The following EDC4 variants were observed in gnomAD, a reference collection of about 807,000 sequenced individuals.
The protein encoded by EDC4 is enhancer of mRNA-decapping protein 4.
In EDC4, 64 loss-of-function variants were observed where a neutral mutation model predicts 155.8. That is an observed-to-expected ratio of 0.41 (90% confidence interval 0.34 to 0.51). EDC4 has a LOEUF of 0.51. EDC4 is among the 20% of genes least tolerant of loss of function. EDC4 has a pLI of 0.19. For missense variants in EDC4, 1,303 were observed against 1,812.5 expected (o/e 0.72, Z 5.10); for synonymous variants, 684 against 716.8 (o/e 0.95, Z 0.73).
intron 1 of EDC4, among the ~76,000 whole-genome samples, chr16:67,873,638 C>T (rs1454192794): frequency 6.6e-6 from 1 of 152,182 alleles, no homozygotes; most frequent in Non-Finnish European, 1.5e-5. Flanking sequence ...CTCTAGTGTT[C>T]CTGGGACTGG....
In EDC4 at chr16:67,877,474, T is replaced by G; in HGVS notation, c.642-35T>G. 1 of 1,612,570 alleles carries G rather than the reference T, an allele frequency of 6.2e-7. No individual in the cohort carries two copies. The highest frequency in any genetic ancestry group is 8.5e-7 in the Non-Finnish European group (1 of 1,178,784). Reference sequence around the variant, plus strand: ...GGCGGAGCTGGGGTGTCACGCCTCTTCATTCATCTATCTAGCCCTTAACAC... The same window carrying G: ...GGCGGAGCTGGGGTGTCACGCCTCTGCATTCATCTATCTAGCCCTTAACAC... On this transcript the variant is annotated intron_variant, in intron 5 of 28. Transcript: ENST00000358933. The surrounding 1 kb of genome is among the most constrained non-coding windows in gnomAD (Gnocchi z 4.9).
rs1166283180 is a variant in EDC4 at position 67,879,912 on chromosome 16, C to T, written c.1884C>T (p.Ser628=). The T allele has an allele frequency of 1.9e-6, 3 of 1,613,874 alleles. No individual in the cohort carries two copies. The highest frequency in any genetic ancestry group is 1.1e-5 in the South Asian group (1 of 91,078). Residue 628 remains serine (S), a synonymous_variant, in exon 16 of 29, where the codon AGC becomes AGT. Coordinates refer to ENST00000358933, the MANE Select transcript of EDC4 (RefSeq NM_014329.5). This position sits in a 1 kb window ranked among gnomAD's most constrained non-coding sequence, Gnocchi z 6.0. ...GSSSSSSSSS[S]SLTAVSAMSS... is the part of the protein sequence containing the mutation. Reference sequence around the variant, plus strand: ...GCAGCAGCAGCAGCAGTAGCAGCAGCTCCCTTACAGCTGTGTCTGCCATGA... The same window carrying T: ...GCAGCAGCAGCAGCAGTAGCAGCAGTTCCCTTACAGCTGTGTCTGCCATGA...
chr16:67,881,490 A>G lies in EDC4; in HGVS notation c.2790-7A>G, dbSNP rs765683687. The G allele has an allele frequency of 6.2e-7, 1 of 1,614,124 alleles. No individual in the cohort carries two copies. Among genetic ancestry groups the G allele is most frequent in the Non-Finnish European group, 8.5e-7 (1 of 1,180,026 alleles). ...ACATAGCCTGAGGTGCTTCTCGCCT[A>G]TGGCAGGGATGCAGCCATGGGATCC... On this transcript the variant is annotated splice_polypyrimidine_tract_variant and splice_region_variant and intron_variant, in intron 20 of 28. Coordinates refer to ENST00000358933, the MANE Select transcript of EDC4 (RefSeq NM_014329.5). This position sits in a 1 kb window ranked among gnomAD's most constrained non-coding sequence, Gnocchi z 5.4.
chr16:67,873,374 G>A (rs1278250382), intron 1 of EDC4, 31 bp downstream of exon 1: 2 of 1,415,810 alleles, frequency 1.4e-6, no homozygotes, highest in Admixed American at 3.2e-5. Context: ...TGGGCCCCAG[G>A]CGAGCTGACA....
chr16:67,877,131 T>C lies in EDC4; in HGVS notation c.452-86T>C. On this transcript the variant is annotated intron_variant, in intron 4 of 28. Coordinates refer to ENST00000358933, the MANE Select transcript of EDC4 (RefSeq NM_014329.5). The surrounding 1 kb of genome is among the most constrained non-coding windows in gnomAD (Gnocchi z 4.9). ...AAAACCAAGCTTGAGACTCTGGTGGTGGCAGGGAGACAGGTGGGGCAGCGC... is the reference window on the plus strand; with the variant it reads ...AAAACCAAGCTTGAGACTCTGGTGGCGGCAGGGAGACAGGTGGGGCAGCGC... 1.3e-6 allele frequency: 2 copies of C among 1,537,270 alleles called. No homozygotes were observed. Among genetic ancestry groups the C allele is most frequent in the Non-Finnish European group, 1.8e-6 (2 of 1,141,130 alleles).
Position 67,879,176 on chromosome 16 carries a change from C to T in EDC4, c.1468+39C>T, listed in dbSNP as rs376269298. The T allele has an allele frequency of 5.2e-4, 832 of 1,614,044 alleles. No homozygotes were observed. The highest frequency in any genetic ancestry group is 6.6e-4 in the Non-Finnish European group (781 of 1,180,020). On this transcript the variant is annotated intron_variant, in intron 12 of 28. Transcript: ENST00000358933. The surrounding 1 kb of genome is among the most constrained non-coding windows in gnomAD (Gnocchi z 6.0). Reference sequence around the variant, plus strand: ...GGGTCAGAGCTATGTGTCCATATATCTAGGGGGTTGTGGAGGCACAGAGAG... The same window carrying T: ...GGGTCAGAGCTATGTGTCCATATATTTAGGGGGTTGTGGAGGCACAGAGAG...
chr16:67,883,483 A>T lies in EDC4; in HGVS notation c.3850-85A>T, dbSNP rs2058079761. ...GCTCTCACTAGCCCACCCTGTGGTC[A>T]TCCTCCCCCAGGCCACACAGTTCAG... On this transcript the variant is annotated intron_variant, in intron 27 of 28. Coordinates refer to ENST00000358933, the MANE Select transcript of EDC4 (RefSeq NM_014329.5). This position sits in a 1 kb window ranked among gnomAD's most constrained non-coding sequence, Gnocchi z 5.3. 1.9e-6 allele frequency: 3 copies of T among 1,560,022 alleles called. No individual in the cohort carries two copies. The highest frequency in any genetic ancestry group is 2.6e-6 in the Non-Finnish European group (3 of 1,151,750).
chr16:67,873,977 T>C (rs1255819630), intron 1 of EDC4, among the ~76,000 whole-genome samples: 1 of 152,238 alleles, frequency 6.6e-6, no homozygotes, highest in Non-Finnish European at 1.5e-5. Flanking sequence ...ACCTCAGAAC[T>C]AGTCTTGCCC....
At position 67,882,497 on chromosome 16, in the gene EDC4, G is replaced by C. The variant is rs1598178803; in HGVS notation, c.3345G>C (p.Arg1115=). The C allele has an allele frequency of 2.5e-6, 4 of 1,614,250 alleles. No homozygotes were observed. The highest frequency in any genetic ancestry group is 3.4e-6 in the Non-Finnish European group (4 of 1,180,048). ...TLQGPMQAAY[R]EAFQSVVLPA... ...AAGGGCCGATGCAGGCTGCCTACCGGGAAGCCTTCCAGAGTGTGGTGCTGC... is the reference window on the plus strand; with the variant it reads ...AAGGGCCGATGCAGGCTGCCTACCGCGAAGCCTTCCAGAGTGTGGTGCTGC... The change falls in exon 25 of 29, where the codon CGG becomes CGC. Residue 1115 remains arginine (R), a synonymous_variant. Coordinates refer to ENST00000358933, the MANE Select transcript of EDC4 (RefSeq NM_014329.5). This position sits in a 1 kb window ranked among gnomAD's most constrained non-coding sequence, Gnocchi z 7.2.
In EDC4 at chr16:67,878,039, C is replaced by T. The variant is rs2058049216; in HGVS notation, c.895-127C>T. On this transcript the variant is annotated intron_variant, in intron 7 of 28. Coordinates refer to ENST00000358933, the MANE Select transcript of EDC4 (RefSeq NM_014329.5). This position sits in a 1 kb window ranked among gnomAD's most constrained non-coding sequence, Gnocchi z 5.2. ...TGCAGGTCTGGCCTTCTCTAGGAACCCTGTTCATTTAGTCAGTCACACAAG... is the reference window on the plus strand; with the variant it reads ...TGCAGGTCTGGCCTTCTCTAGGAACTCTGTTCATTTAGTCAGTCACACAAG... 1 of 1,510,730 alleles carries T rather than the reference C, an allele frequency of 6.6e-7. No individual in the cohort carries two copies. Among genetic ancestry groups the T allele is most frequent in the African/African-American group, 1.4e-5 (1 of 72,350 alleles). The allele number at this position is 1,510,730 out of a possible 1,614,324, so 93.6% of individuals were successfully genotyped here.
chr16:67,876,573 T>C lies in EDC4; in HGVS notation c.325T>C (p.Ser109Pro), dbSNP rs749125922. Reference sequence around the variant, plus strand: ...TGTGGCTAGCAGTGACTCTAGCATTTCAAGCAAGGCCCGGGGAAGCAACAA... The same window carrying C: ...TGTGGCTAGCAGTGACTCTAGCATTCCAAGCAAGGCCCGGGGAAGCAACAA... ...EIVASSDSSI[S>P]SKARGSNKVK... The change falls in exon 3 of 29, where the codon TCA becomes CCA. Residue 109 changes from serine (S) to proline (P), a missense_variant. Physicochemically the swap from Ser to Pro is moderately conservative, Grantham distance 74. This residue lies in a region of EDC4 where 51 missense variants were observed against 121.1 expected (regional missense o/e 0.42). Coordinates refer to ENST00000358933, the MANE Select transcript of EDC4 (RefSeq NM_014329.5). This position sits in a 1 kb window ranked among gnomAD's most constrained non-coding sequence, Gnocchi z 5.8. 6.2e-7 allele frequency: 1 copy of C among 1,614,066 alleles called. No homozygotes were observed. The highest frequency in any genetic ancestry group is 8.5e-7 in the Non-Finnish European group (1 of 1,179,980).
At position 67,873,464 on chromosome 16, in the gene EDC4, G is replaced by T. The variant is rs1374505372; in HGVS notation, c.82+121G>T. On this transcript the variant is annotated intron_variant, in intron 1 of 28. Transcript: ENST00000358933. ...GCTCTGGATCCTCCCGGCGGGTAAG[G>T]GTGGACGGGGATTGACTGTGCCCCT... The T allele has an allele frequency of 5.0e-6, 4 of 799,886 alleles. No individual in the cohort carries two copies. In the East Asian group the frequency reaches 1.0e-4, roughly 20 times the overall value. 49.5% of individuals were successfully genotyped at this position (799,886 alleles called of 1,614,324 possible). A position where few individuals can be genotyped will look rare whatever the true frequency, so the allele number is the denominator to read the frequency against.
chr16:67,873,394 C>T, intron 1 of EDC4, 51 bp downstream of exon 1: 1 of 1,359,094 alleles, frequency 7.4e-7, no homozygotes. Flanking sequence ...AAAAGGGCGG[C>T]GCGCGTCTGA....
chr16:67,880,418 G>A lies in EDC4; in HGVS notation c.2098-139G>A. The A allele has an allele frequency of 2.9e-6, 4 of 1,371,298 alleles. No homozygotes were observed. Among genetic ancestry groups the A allele is most frequent in the South Asian group, 2.7e-5 (2 of 74,086 alleles). 84.9% of individuals were successfully genotyped at this position (1,371,298 alleles called of 1,614,324 possible). ...CTGTCCCCACCTCCTCTTCTTGGCT[G>A]TGGCCTCGTTTTTGACCTGTATCCC... On this transcript the variant is annotated intron_variant, in intron 17 of 28. Transcript: ENST00000358933. This position sits in a 1 kb window ranked among gnomAD's most constrained non-coding sequence, Gnocchi z 5.2.
chr16:67,879,327 C>T lies in EDC4; in HGVS notation c.1541+18C>T. On this transcript the variant is annotated intron_variant, in intron 13 of 28. Transcript: ENST00000358933. This position sits in a 1 kb window ranked among gnomAD's most constrained non-coding sequence, Gnocchi z 6.0. ...CATACTAAGTGAGTGAGTGGGGAGG[C>T]CCGCCAGTGTCCTGTCTGTGTCTGT... The T allele has an allele frequency of 6.2e-7, 1 of 1,614,194 alleles. No individual in the cohort carries two copies. Among genetic ancestry groups the T allele is most frequent in the South Asian group, 1.1e-5 (1 of 91,088 alleles).
Position 67,879,882 on chromosome 16 carries a change from TAGCAGCAGC to T in EDC4, c.1866_1874del (p.Ser627_Ser629del). On this transcript the variant is annotated inframe_deletion, in exon 16 of 29. Coordinates refer to ENST00000358933, the MANE Select transcript of EDC4 (RefSeq NM_014329.5). The surrounding 1 kb of genome is among the most constrained non-coding windows in gnomAD (Gnocchi z 6.0). Reference sequence around the variant, plus strand: ...CCTCTCCCAGCAGCAGCAGCAGCGGTAGCAGCAGCAGCAGCAGCAGTAGCAGCAGCTCCC... The same window carrying T: ...CCTCTCCCAGCAGCAGCAGCAGCGGTAGCAGCAGCAGTAGCAGCAGCTCCC... 3.7e-6 allele frequency: 6 copies of T among 1,610,364 alleles called. No individual in the cohort carries two copies. The highest frequency in any genetic ancestry group is 2.2e-5 in the East Asian group (1 of 44,784).
chr16:67,883,946 C>A lies in EDC4; in HGVS notation c.4014-10C>A. On this transcript the variant is annotated splice_polypyrimidine_tract_variant and intron_variant, in intron 28 of 28. Transcript: ENST00000358933. The surrounding 1 kb of genome is among the most constrained non-coding windows in gnomAD (Gnocchi z 5.3). The stretch of plus-strand genomic sequence containing the variant: ...CCACCTGTAGCCTGTCCTTTCCCCC[C>A]CATCCCCAGCTACCTGGAAGAGGCC... 6.3e-7 allele frequency: 1 copy of A among 1,586,374 alleles called. No individual in the cohort carries two copies. The highest frequency in any genetic ancestry group is 1.1e-5 in the South Asian group (1 of 88,798).
rs761483006 is a variant in EDC4 at position 67,882,407 on chromosome 16, T to C, written c.3277-22T>C. The C allele has an allele frequency of 3.2e-5, 51 of 1,612,508 alleles. No individual in the cohort carries two copies. The Admixed American group carries it at 8.2e-4, about 26-fold the overall frequency. On this transcript the variant is annotated intron_variant, in intron 24 of 28. Coordinates refer to ENST00000358933, the MANE Select transcript of EDC4 (RefSeq NM_014329.5). The surrounding 1 kb of genome is among the most constrained non-coding windows in gnomAD (Gnocchi z 7.2). ...CCAGGCTGGGCTCAGGCTTTCAACT[T>C]GGCCCCTCCCTCTAACCCCAGAACT...
chr16:67,884,238 T>C lies in EDC4; in HGVS notation c.*90T>C. Reference sequence around the variant, plus strand: ...GGCAGGGTCACGGCTGGCCTTTACCTGCTCAGGCCCCCATCTCTGGGGTGT... The same window carrying C: ...GGCAGGGTCACGGCTGGCCTTTACCCGCTCAGGCCCCCATCTCTGGGGTGT... On this transcript the variant is annotated 3_prime_UTR_variant, in exon 29 of 29. Transcript: ENST00000358933. The surrounding 1 kb of genome is among the most constrained non-coding windows in gnomAD (Gnocchi z 4.1). 5 of 1,240,624 alleles carry C rather than the reference T, an allele frequency of 4.0e-6. No homozygotes were observed. Among genetic ancestry groups the C allele is most frequent in the African/African-American group, 1.5e-5 (1 of 66,200 alleles). 76.9% of individuals were successfully genotyped at this position (1,240,624 alleles called of 1,614,324 possible). A position where few individuals can be genotyped will look rare whatever the true frequency, so the allele number is the denominator to read the frequency against.
Sources: allele counts gnomAD v4.1 joint callset (sites outside exome capture counted in the v4.1 genomes callset), GRCh38; gene constraint gnomAD v4.1.1; regional missense constraint gnomAD v4.1.1; non-coding constraint Gnocchi (gnomAD v3.1); transcripts MANE v1.5; gene names NCBI Gene and HGNC (gene_info 2026-07-23, HGNC 2026-07-21).